The following SLC15A2 variants were observed in gnomAD, a reference collection of about 807,000 sequenced individuals.
SLC15A2 encodes solute carrier family 15 member 2.
SLC15A2 carries 77 observed loss-of-function variants against 95.5 expected under a neutral mutation model. That is an observed-to-expected ratio of 0.81 (90% CI 0.67 to 0.97). SLC15A2 has a LOEUF of 0.97. SLC15A2 is among the 50% of genes least tolerant of loss of function. The pLI is 0.00. For synonymous variants in SLC15A2, 306 were observed against 306.9 expected (o/e 1.00, Z 0.03); for missense variants, 893 against 874.4 (o/e 1.02, Z -0.27).
At chr3:121,909,978 C>G (rs539568246) in intron 3 of SLC15A2, among the ~76,000 whole-genome samples, 11 of 120,644 alleles carry the variant, frequency 9.1e-5, no homozygotes, top group African/African-American at 3.2e-4. Flanking sequence ...CACTCCAGCT[C>G]AAACTCCTTT....
intron 19 of SLC15A2, among the ~76,000 whole-genome samples, chr3:121,934,453 T>C (rs1370665182): frequency 1.3e-5 from 2 of 152,096 alleles, no homozygotes; most frequent in Non-Finnish European, 2.9e-5. Flanking sequence ...CAGTGGATTG[T>C]AGTTCTCCTT....
chr3:121,915,429 GA>G, intron 6 of SLC15A2, 112 bp downstream of exon 6: 1 of 846,802 alleles, frequency 1.2e-6, no homozygotes, highest in Non-Finnish European at 1.9e-6. Context: ...GATAATCTGT[GA>G]AAATTTATTT....
chr3:121,928,515 A>G lies in SLC15A2; in HGVS notation c.1301A>G (p.Glu434Gly). 1.2e-6 allele frequency: 2 copies of G among 1,614,156 alleles called. No homozygotes were observed. Among genetic ancestry groups the G allele is most frequent in the Non-Finnish European group, 1.7e-6 (2 of 1,179,992 alleles). ...GTGAAGGTGACAGTGGTGGGAAATG[A>G]AAACAATTCTCTGTTGATAGAGTCC... ...DEVKVTVVGN[E>G]NNSLLIESIK... The change falls in exon 15 of 22, where the codon GAA becomes GGA. Residue 434 changes from glutamate (E) to glycine (G), a missense_variant. Transcript: ENST00000489711.
At position 121,912,395 on chromosome 3, in the gene SLC15A2, G is replaced by T. The variant is rs922237690; in HGVS notation, c.429-626G>T. On this transcript the variant is annotated intron_variant, in intron 4 of 21. Transcript: ENST00000489711. ...ATTACAGGCGGCTGCCACCACGCCC[G>T]GCTAATTTGTGTATTTTTCGTAGAG... 4.6e-5 allele frequency among the ~76,000 whole-genome samples: 7 copies of T among 152,002 alleles called. No homozygotes were observed. The East Asian group carries it at 1.4e-3, about 29-fold the overall frequency.
chr3:121,917,858 A>T (rs979359035), intron 7 of SLC15A2, among the ~76,000 whole-genome samples: 2 of 152,182 alleles, frequency 1.3e-5, no homozygotes, highest in African/African-American at 4.8e-5. Flanking sequence ...GTAAGACAAG[A>T]GGCTGAGAAA....
intron 19 of SLC15A2, among the ~76,000 whole-genome samples, chr3:121,933,723 T>G (rs1373912065): frequency 6.6e-6 from 1 of 152,154 alleles, no homozygotes. Context: ...GCCTATTCAC[T>G]CTGATGGTAG....
chr3:121,915,770 C>T, intron 7 of SLC15A2, 77 bp downstream of exon 7: 1 of 998,204 alleles, frequency 1.0e-6, no homozygotes, highest in Non-Finnish European at 1.6e-6. Flanking sequence ...GCACTTTACA[C>T]AAGCTGTTTC....
intron 18 of SLC15A2, 40 bp from the exon 19 acceptor site, chr3:121,931,599 G>T: frequency 7.4e-7 from 1 of 1,347,980 alleles, no homozygotes; most frequent in Non-Finnish European, 1.1e-6. Flanking sequence ...GCTTTTCCAA[G>T]CCTTGATATT....
Position 121,925,034 on chromosome 3 carries a change from G to C in SLC15A2, c.1124+1G>C, listed in dbSNP as rs780584829. On this transcript the variant is annotated splice_donor_variant, in intron 13 of 21. Transcript: ENST00000489711. LOFTEE classifies it high-confidence loss of function. ...TCTCCAAGTGTGGAATTAACTTCTCGTAAGTGTTCACTATGTCTGTATGGA... is the reference window on the plus strand; with the variant it reads ...TCTCCAAGTGTGGAATTAACTTCTCCTAAGTGTTCACTATGTCTGTATGGA... 2.5e-6 allele frequency: 4 copies of C among 1,600,086 alleles called. No homozygotes were observed. The South Asian group carries it at 3.3e-5, about 13-fold the overall frequency.
At chr3:121,936,758 A>G (rs1457204442) in intron 19 of SLC15A2, among the ~76,000 whole-genome samples, 1 of 147,314 alleles carries the variant, frequency 6.8e-6, no homozygotes, top group South Asian at 2.2e-4. Context: ...CATTTAGTCC[A>G]TTTACATTTA....
chr3:121,913,513 A>G (rs1213479404), intron 5 of SLC15A2, among the ~76,000 whole-genome samples: 1 of 152,218 alleles, frequency 6.6e-6, no homozygotes, highest in Non-Finnish European at 1.5e-5. Context: ...AAACAATTGG[A>G]AGTAGTAAGT....
At chr3:121,906,247 T>C (rs1243323127) in intron 3 of SLC15A2, among the ~76,000 whole-genome samples, 1 of 152,236 alleles carries the variant, frequency 6.6e-6, no homozygotes, top group Non-Finnish European at 1.5e-5. Context: ...TGAGCCTATG[T>C]GTGTCTCTGC....
chr3:121,894,602 C>T (rs758315338), intron 1 of SLC15A2, 21 bp downstream of exon 1: 2 of 1,589,502 alleles, frequency 1.3e-6, no homozygotes, highest in Non-Finnish European at 8.6e-7. Context: ...AGATTCAATC[C>T]TGCCTCTGAG....
chr3:121,924,719 G>A (rs76077653), intron 12 of SLC15A2, among the ~76,000 whole-genome samples: 1 of 152,204 alleles, frequency 6.6e-6, no homozygotes, highest in Non-Finnish European at 1.5e-5. Context: ...AGAAAGACAG[G>A]CTCAGAGTGA....
chr3:121,925,769 TATATATATATATAAAA>T (rs1407727309), intron 13 of SLC15A2, among the ~76,000 whole-genome samples: 11 of 83,418 alleles, frequency 1.3e-4, no homozygotes, highest in African/African-American at 6.7e-4. Context: ...TATATATATA[TATATATATATATAAAA>T]TACAACTACT....
chr3:121,912,131 GAGAGGA>G (rs1709779447), intron 4 of SLC15A2, among the ~76,000 whole-genome samples: 1 of 152,210 alleles, frequency 6.6e-6, no homozygotes, highest in Non-Finnish European at 1.5e-5. Context: ...TCAGTCAGTA[GAGAGGA>G]TTACAGCTGT....
At chr3:121,916,617 A>T (rs1375174618) in intron 7 of SLC15A2, among the ~76,000 whole-genome samples, 3 of 152,030 alleles carry the variant, frequency 2.0e-5, no homozygotes, top group Admixed American at 6.6e-5. Context: ...AAAGCCAAAT[A>T]TTTTCCCAAA....
chr3:121,917,812 A>C (rs776042105), intron 7 of SLC15A2, among the ~76,000 whole-genome samples: 2 of 152,204 alleles, frequency 1.3e-5, no homozygotes, highest in Non-Finnish European at 2.9e-5. Flanking sequence ...ATCAATAAAG[A>C]AATTATAAGT....
At position 121,925,009 on chromosome 3, in the gene SLC15A2, TC is replaced by T; in HGVS notation, c.1101del (p.Ser368ProfsTer17). 1 of 1,613,078 alleles carries T rather than the reference TC, an allele frequency of 6.2e-7. No homozygotes were observed. Among genetic ancestry groups the T allele is most frequent in the Non-Finnish European group, 8.5e-7 (1 of 1,179,064 alleles). On this transcript the variant is annotated frameshift_variant, in exon 13 of 22. Coordinates refer to ENST00000489711, the MANE Select transcript of SLC15A2 (RefSeq NM_021082.4). LOFTEE classifies it high-confidence loss of function. ...PLFDFVIYRL[V>X]SKCGINFSSL... Reference sequence around the variant, plus strand: ...TTTGACTTTGTCATTTATCGTCTGGTCTCCAAGTGTGGAATTAACTTCTCGT... The same window carrying T: ...TTTGACTTTGTCATTTATCGTCTGGTTCCAAGTGTGGAATTAACTTCTCGT...
Sources: gnomAD v4.1 joint callset for allele counts (sites outside exome capture counted in the v4.1 genomes callset) on GRCh38, gnomAD v4.1.1 for gene constraint, MANE v1.5 for transcripts, NCBI Gene and HGNC (gene_info 2026-07-23, HGNC 2026-07-21) for gene names.